LSAMP: variants seen among roughly 807,000 people sequenced by gnomAD.
The protein encoded by LSAMP is limbic system-associated membrane protein.
In LSAMP, 7 loss-of-function variants were observed where a neutral mutation model predicts 38.6. The ratio of observed to expected loss-of-function variants is 0.18; its 90% CI spans 0.10 to 0.34. The LOEUF is 0.34. Ranked by LOEUF, LSAMP falls within the 10% of genes least tolerant of loss-of-function variation. LSAMP has a pLI of 1.00. For synonymous variants in LSAMP, 154 were observed against 166.8 expected (o/e 0.92, Z 0.59); for missense variants, 313 against 420.0 (o/e 0.75, Z 2.23).
chr3:115,876,566 C>A (rs1398930221), intron 3 of LSAMP, among the ~76,000 whole-genome samples: 1 of 152,040 alleles, frequency 6.6e-6, no homozygotes, highest in African/African-American at 2.4e-5. Flanking sequence ...AATTCTGCCA[C>A]AGGTTCATTC....
chr3:116,403,070 T>G (rs2048858178), intron 1 of LSAMP, among the ~76,000 whole-genome samples: 1 of 152,146 alleles, frequency 6.6e-6, no homozygotes, highest in African/African-American at 2.4e-5. Flanking sequence ...TCCAGAGAGG[T>G]CATGAAATCT....
Position 116,041,805 on chromosome 3 carries a change from AC to A in LSAMP, c.389-22166del, listed in dbSNP as rs111301786. On this transcript the variant is annotated intron_variant, in intron 2 of 6. Transcript: ENST00000490035. ...AGTAAATGAAAGCATGCAAAAAAAAACAAAACAAAACAAAAAAAAAACACCT... is the reference window on the plus strand; with the variant it reads ...AGTAAATGAAAGCATGCAAAAAAAAAAAAACAAAACAAAAAAAAAACACCT... Among the ~76,000 whole-genome samples, 1,060 of 144,756 alleles carry A rather than the reference AC, an allele frequency of 7.3e-3. 21 individuals are homozygous for A. Among genetic ancestry groups the A allele is most frequent in the African/African-American group, 0.024 (901 of 36,878 alleles). The allele number at this position is 144,756 out of a possible 152,430, so 95.0% of individuals were successfully genotyped here. A position where few individuals can be genotyped will look rare whatever the true frequency, so the allele number is the denominator to read the frequency against.
chr3:116,211,500 A>G (rs13091693), intron 1 of LSAMP, among the ~76,000 whole-genome samples: 92,515 of 151,604 alleles, frequency 0.61, 28,771 homozygotes, highest in East Asian at 0.76. Context: ...TAAATAATAA[A>G]GCAATAACCA....
chr3:116,030,927 G>A (rs971868169), intron 2 of LSAMP, among the ~76,000 whole-genome samples: 1 of 152,124 alleles, frequency 6.6e-6, no homozygotes, highest in Non-Finnish European at 1.5e-5. Flanking sequence ...CCTAAAACAT[G>A]ACATATCCTT....
At chr3:116,357,934 G>A (rs1274494002) in intron 1 of LSAMP, among the ~76,000 whole-genome samples, 1 of 151,418 alleles carries the variant, frequency 6.6e-6, no homozygotes, top group Non-Finnish European at 1.5e-5. Flanking sequence ...AAAAAAAGAG[G>A]TTGAACACCT....
intron 1 of LSAMP, among the ~76,000 whole-genome samples, chr3:116,253,781 G>T (rs147936514): frequency 1.3e-5 from 2 of 152,184 alleles, no homozygotes; most frequent in Non-Finnish European, 2.9e-5. Flanking sequence ...GAAAGACAAT[G>T]GCAGGAAAAC....
At chr3:115,823,743 C>T (rs1451101228) in intron 6 of LSAMP, among the ~76,000 whole-genome samples, 1 of 152,080 alleles carries the variant, frequency 6.6e-6, no homozygotes, top group Non-Finnish European at 1.5e-5. Flanking sequence ...AATTTTTTCT[C>T]CATTTTTCAG....
chr3:116,312,017 T>C (rs963678147), intron 1 of LSAMP, among the ~76,000 whole-genome samples: 1 of 152,134 alleles, frequency 6.6e-6, no homozygotes, highest in East Asian at 1.9e-4. Context: ...TGGAAAACCA[T>C]ACAGAAAAGG....
intron 3 of LSAMP, among the ~76,000 whole-genome samples, chr3:115,936,640 TA>T (rs958645754): frequency 4.6e-5 from 7 of 151,984 alleles, no homozygotes; most frequent in African/African-American, 1.7e-4. Flanking sequence ...AGTAGCAATC[TA>T]AAAAAAATTA....
chr3:116,037,635 G>A (rs1941075779), intron 2 of LSAMP, among the ~76,000 whole-genome samples: 1 of 152,054 alleles, frequency 6.6e-6, no homozygotes, highest in Admixed American at 6.6e-5. Context: ...TTTCTTTTAT[G>A]TAATCTTCTT....
chr3:116,203,114 T>C (rs947490792), intron 1 of LSAMP, among the ~76,000 whole-genome samples: 7 of 152,344 alleles, frequency 4.6e-5, no homozygotes, highest in Admixed American at 1.3e-4. Flanking sequence ...TCTTCATGTC[T>C]TTTATTTTCC....
chr3:115,952,001 AAAACCATAGTG>A (rs1385222639), intron 3 of LSAMP, among the ~76,000 whole-genome samples: 1 of 152,240 alleles, frequency 6.6e-6, no homozygotes, highest in African/African-American at 2.4e-5. Context: ...AATGCCAGTT[AAAACCATAGTG>A]AGATTACCAC....
chr3:116,229,546 A>G (rs1208194870), intron 1 of LSAMP, among the ~76,000 whole-genome samples: 1 of 152,196 alleles, frequency 6.6e-6, no homozygotes, highest in African/African-American at 2.4e-5. Context: ...AAGTTCACAG[A>G]TAAGACCACA....
chr3:115,935,068 A>T (rs1264036641), intron 3 of LSAMP, among the ~76,000 whole-genome samples: 1 of 152,144 alleles, frequency 6.6e-6, no homozygotes, highest in Non-Finnish European at 1.5e-5. Context: ...AAAACAAAAA[A>T]AACCTCACCA....
chr3:115,851,262 C>CA (rs1935322809), intron 4 of LSAMP, among the ~76,000 whole-genome samples: 1 of 152,204 alleles, frequency 6.6e-6, no homozygotes, highest in South Asian at 2.1e-4. Context: ...GGGTGAGCCA[C>CA]CATACCTGGC....
intron 1 of LSAMP, among the ~76,000 whole-genome samples, chr3:116,410,964 G>A (rs2048967299): frequency 6.6e-6 from 1 of 152,068 alleles, no homozygotes. Context: ...TATTGCTGTG[G>A]TTTGAATGTT....
intron 3 of LSAMP, among the ~76,000 whole-genome samples, chr3:115,975,091 G>A (rs1426326870): frequency 6.6e-6 from 1 of 152,112 alleles, no homozygotes; most frequent in Non-Finnish European, 1.5e-5. Context: ...GAAGATTATG[G>A]ATCCTATTTA....
At chr3:116,246,681 G>T (rs867317538) in intron 1 of LSAMP, among the ~76,000 whole-genome samples, 24 of 152,124 alleles carry the variant, frequency 1.6e-4, no homozygotes, top group African/African-American at 4.6e-4. Flanking sequence ...AAGCACCTCG[G>T]GGCAAGAAGG....
chr3:116,021,048 G>C (rs899648904), intron 2 of LSAMP, among the ~76,000 whole-genome samples: 1 of 152,100 alleles, frequency 6.6e-6, no homozygotes, highest in African/African-American at 2.4e-5. Context: ...GGTTCAGAGT[G>C]TCACAAGGAG....
Sources: allele counts gnomAD v4.1 joint callset (sites outside exome capture counted in the v4.1 genomes callset), GRCh38; gene constraint gnomAD v4.1.1; transcripts MANE v1.5; gene names NCBI Gene and HGNC (gene_info 2026-07-23, HGNC 2026-07-21).